PCNX4: variants seen among roughly 807,000 people sequenced by gnomAD.
PCNX4 encodes pecanex-like protein 4.
In PCNX4, 103 loss-of-function variants were observed where a neutral mutation model predicts 107.2. The observed-to-expected ratio is 0.96, with a 90% CI of 0.82 to 1.13. PCNX4 has a LOEUF of 1.13. PCNX4 is among the 50% of genes most tolerant of loss of function. PCNX4 has a pLI of 0.00. For missense variants in PCNX4, 1,528 were observed against 1,379.4 expected (o/e 1.11, Z -1.71); for synonymous variants, 541 against 481.7 (o/e 1.12, Z -1.61).
Position 60,118,473 on chromosome 14 carries a change from T to C in PCNX4, c.1723T>C (p.Phe575Leu). 1 of 1,613,762 alleles carries C rather than the reference T, an allele frequency of 6.2e-7. No individual in the cohort carries two copies. The highest frequency in any genetic ancestry group is 8.5e-7 in the Non-Finnish European group (1 of 1,179,818). ...LCILNIVFSPFVLVIIVFSTL... is the reference protein window; with the variant it reads ...LCILNIVFSPLVLVIIVFSTL... ...TATACTCAACATTGTCTTTTCTCCATTCGTGTTGGTCATCATAGTTTTTTC... is the reference window on the plus strand; with the variant it reads ...TATACTCAACATTGTCTTTTCTCCACTCGTGTTGGTCATCATAGTTTTTTC... Residue 575 changes from phenylalanine to leucine, a missense_variant, in exon 7 of 11, where the codon TTC becomes CTC. Transcript: ENST00000406854.
chr14:60,093,206 CT>C (rs1182456359), intron 1 of PCNX4, among the ~76,000 whole-genome samples: 2 of 152,176 alleles, frequency 1.3e-5, no homozygotes, highest in Non-Finnish European at 1.5e-5. Context: ...GAAGCTTTTT[CT>C]TTTTTAAGAG....
In PCNX4 at chr14:60,121,181, T is replaced by TTTTTTTTTTTTTTTTTTTTTC; in HGVS notation, c.1943-15_1943-14insTTTTTTTTTTTTTTTTTTTTC. 3 of 1,523,418 alleles carry TTTTTTTTTTTTTTTTTTTTTC rather than the reference T, an allele frequency of 2.0e-6. 1 individual carries two copies. The highest frequency in any genetic ancestry group is 1.8e-6 in the Non-Finnish European group (2 of 1,139,282). The allele number at this position is 1,523,418 out of a possible 1,614,324, so 94.4% of individuals were successfully genotyped here. A position where few individuals can be genotyped will look rare whatever the true frequency, so the allele number is the denominator to read the frequency against. ...ATTTTCTTTTTTTTTTTTTTTTTTTTCTAATTTGTTGTAGGTCTCCTCCTA... is the reference window on the plus strand; with the variant it reads ...ATTTTCTTTTTTTTTTTTTTTTTTTTTTTTTTTTTTTTTTTTTTTTCCTAATTTGTTGTAGGTCTCCTCCTA... On this transcript the variant is annotated splice_polypyrimidine_tract_variant and intron_variant, in intron 7 of 10. Transcript: ENST00000406854.
Position 60,115,756 on chromosome 14 carries a change from C to G in PCNX4, c.1395C>G (p.Asp465Glu). 2 of 1,613,372 alleles carry G rather than the reference C, an allele frequency of 1.2e-6. No homozygotes were observed. The highest frequency in any genetic ancestry group is 1.7e-6 in the Non-Finnish European group (2 of 1,179,500). Residue 465 changes from aspartate to glutamate, a missense_variant, in exon 5 of 11, where the codon GAC becomes GAG. Transcript: ENST00000406854. Reference sequence around the variant, plus strand: ...CCATGATAGCATTTCTTTCATTGGACAGTTCCTTACAAGGGCTCCACTCAG... The same window carrying G: ...CCATGATAGCATTTCTTTCATTGGAGAGTTCCTTACAAGGGCTCCACTCAG... ...PFAMIAFLSL[D>E]SSLQGLHSVS...
In PCNX4 at chr14:60,145,700, T is replaced by G. The variant is rs1363124549; in HGVS notation, c.*11479T>G. 6.6e-6 allele frequency: 1 copy of G among 151,724 alleles called. No homozygotes were observed. The highest frequency in any genetic ancestry group is 1.9e-4 in the East Asian group (1 of 5,196). The allele number at this position is 151,724 out of a possible 1,614,324, so 9.4% of individuals were successfully genotyped here. Reference sequence around the variant, plus strand: ...AAAAAAAATAAAAAGAAAAAAAAATTATTTGTGAACTTTTTGTATATTGCT... The same window carrying G: ...AAAAAAAATAAAAAGAAAAAAAAATGATTTGTGAACTTTTTGTATATTGCT... On this transcript the variant is annotated 3_prime_UTR_variant, in exon 11 of 11. Coordinates refer to ENST00000406854, the MANE Select transcript of PCNX4 (RefSeq NM_001330177.2). This position sits in a 1 kb window ranked among gnomAD's most constrained non-coding sequence, Gnocchi z 4.0.
chr14:60,109,824 G>A (rs1895700357), intron 2 of PCNX4: 1 of 167,214 alleles, frequency 6.0e-6, no homozygotes, highest in Non-Finnish European at 1.5e-5. Context: ...CAGAGGAAAG[G>A]CAGTCCTTGT....
Position 60,128,615 on chromosome 14 carries a change from T to C in PCNX4, c.3267+2792T>C, listed in dbSNP as rs73310177. Among the ~76,000 whole-genome samples, 1,515 of 152,284 alleles carry C rather than the reference T, an allele frequency of 9.9e-3. 21 individuals are homozygous for C. Among genetic ancestry groups the C allele is most frequent in the African/African-American group, 0.034 (1,431 of 41,562 alleles). ...TAGAGTTCTTCAGGCTGAAAGTAAG[T>C]GACCACAGACAATAATTCAAATTCA... On this transcript the variant is annotated intron_variant, in intron 10 of 10. Transcript: ENST00000406854.
At chr14:60,112,576 C>G (rs1895759370) in intron 2 of PCNX4, among the ~76,000 whole-genome samples, 2 of 152,046 alleles carry the variant, frequency 1.3e-5, no homozygotes, top group South Asian at 4.1e-4. Context: ...TTTGCCATTG[C>G]TTATTGTTAA....
intron 2 of PCNX4, among the ~76,000 whole-genome samples, chr14:60,114,446 A>T (rs144089013): frequency 5.5e-4 from 83 of 152,272 alleles, no homozygotes; most frequent in African/African-American, 1.9e-3. Context: ...TCCTTTGCAC[A>T]TTTGAATTAA....
In PCNX4 at chr14:60,141,618, A is replaced by G. The variant is rs1382088414; in HGVS notation, c.*7397A>G. The G allele has an allele frequency of 7.0e-6, 1 of 143,364 alleles. No homozygotes were observed. Among genetic ancestry groups the G allele is most frequent in the Admixed American group, 6.7e-5 (1 of 14,908 alleles). The allele number at this position is 143,364 out of a possible 1,614,324, so 8.9% of individuals were successfully genotyped here. Reference sequence around the variant, plus strand: ...ATAACCATTAAAGAATTAAATTCATAATTTAAAATCTCCTGATAAAAGAAA... The same window carrying G: ...ATAACCATTAAAGAATTAAATTCATGATTTAAAATCTCCTGATAAAAGAAA... On this transcript the variant is annotated 3_prime_UTR_variant, in exon 11 of 11. Transcript: ENST00000406854.
Position 60,118,388 on chromosome 14 carries a change from T to C in PCNX4, c.1638T>C (p.Thr546=). ...TCTCTAAATTGCAGTTTGCCGTGAC[T>C]GTGCTTTTGACATCATGGACAGAGA... ...QFISKLQFAV[T]VLLTSWTEKK... is the part of the protein sequence containing the mutation. Residue 546 remains threonine, a synonymous_variant, in exon 7 of 11, where the codon ACT becomes ACC. Transcript: ENST00000406854. 6.2e-7 allele frequency: 1 copy of C among 1,613,516 alleles called. No homozygotes were observed. Among genetic ancestry groups the C allele is most frequent in the Non-Finnish European group, 8.5e-7 (1 of 1,179,664 alleles).
At position 60,146,562 on chromosome 14, in the gene PCNX4, C is replaced by T. The variant is rs1896411414; in HGVS notation, c.*12341C>T. ...AAATCTAAAGGAAGTGAAATCAGTACCTTGAAGTGATACCTACACTCCCAT... is the reference window on the plus strand; with the variant it reads ...AAATCTAAAGGAAGTGAAATCAGTATCTTGAAGTGATACCTACACTCCCAT... On this transcript the variant is annotated 3_prime_UTR_variant, in exon 11 of 11. Transcript: ENST00000406854. This position sits in a 1 kb window ranked among gnomAD's most constrained non-coding sequence, Gnocchi z 4.9. The T allele has an allele frequency of 6.6e-6, 1 of 152,042 alleles. No individual in the cohort carries two copies. Among genetic ancestry groups the T allele is most frequent in the South Asian group, 2.1e-4 (1 of 4,830 alleles). 9.4% of individuals were successfully genotyped at this position (152,042 alleles called of 1,614,324 possible).
chr14:60,107,995 C>T lies in PCNX4; in HGVS notation c.357C>T (p.Thr119=). The change falls in exon 2 of 11, where the codon ACC becomes ACT. Residue 119 remains threonine, a synonymous_variant. Transcript: ENST00000406854. ...ILAEEDEHEF[T]SCTGAETVKF... is the part of the protein sequence containing the mutation. ...CAGAGGAGGATGAGCATGAATTTAC[C>T]AGTTGTACTGGTGCTGAGACTGTCA... The T allele has an allele frequency of 2.5e-6, 4 of 1,612,788 alleles. No homozygotes were observed. The highest frequency in any genetic ancestry group is 2.2e-5 in the East Asian group (1 of 44,876).
rs1895618309 is a variant in PCNX4, at chr14:60,105,853, C to T, written c.-53-1733C>T. ...GTAGAGCCAGAAGGGCCAACTTTTA[C>T]CTAACTCCTTGGGGAAATTTCAGGC... On this transcript the variant is annotated intron_variant, in intron 1 of 10. Coordinates refer to ENST00000406854, the MANE Select transcript of PCNX4 (RefSeq NM_001330177.2). Among the ~76,000 whole-genome samples, 3 of 152,310 alleles carry T rather than the reference C, an allele frequency of 2.0e-5. 1 individual carries two copies. In the South Asian group the frequency reaches 6.2e-4, roughly 32 times the overall value.
At position 60,115,940 on chromosome 14, in the gene PCNX4, G is replaced by A. The variant is rs774464523; in HGVS notation, c.1459-1G>A. On this transcript the variant is annotated splice_acceptor_variant, in intron 5 of 10. Coordinates refer to ENST00000406854, the MANE Select transcript of PCNX4 (RefSeq NM_001330177.2). LOFTEE classifies it high-confidence loss of function. The stretch of plus-strand genomic sequence containing the variant: ...AAAAATGGATAATTTGTATACTGCA[G>A]GTATGGCAGAATACAGAAAATGCTT... The A allele has an allele frequency of 1.9e-6, 3 of 1,608,150 alleles. No individual in the cohort carries two copies. The highest frequency in any genetic ancestry group is 1.3e-5 in the African/African-American group (1 of 74,800).
chr14:60,135,786 A>C lies in PCNX4; in HGVS notation c.*1565A>C, dbSNP rs1289651376. ...AGGCTGGTCTCGAACTCTTGACCTCATGCTCCGCCCGCCTCAGCCTCCCAA... is the reference window on the plus strand; with the variant it reads ...AGGCTGGTCTCGAACTCTTGACCTCCTGCTCCGCCCGCCTCAGCCTCCCAA... On this transcript the variant is annotated 3_prime_UTR_variant, in exon 11 of 11. Coordinates refer to ENST00000406854, the MANE Select transcript of PCNX4 (RefSeq NM_001330177.2). The C allele has an allele frequency of 7.9e-5, 12 of 152,108 alleles. No individual in the cohort carries two copies. The highest frequency in any genetic ancestry group is 7.9e-4 in the Admixed American group (12 of 15,276). 9.4% of individuals were successfully genotyped at this position (152,108 alleles called of 1,614,324 possible).
chr14:60,099,488 G>C (rs1226093581), intron 1 of PCNX4, among the ~76,000 whole-genome samples: 5 of 152,086 alleles, frequency 3.3e-5, no homozygotes, highest in African/African-American at 1.2e-4. Flanking sequence ...AATGAAAATT[G>C]AAAGAATTCC....
At chr14:60,125,544 C>A in intron 9 of PCNX4, 93 bp from the exon 10 acceptor site, 1 of 929,404 alleles carries the variant, frequency 1.1e-6, no homozygotes, top group Non-Finnish European at 1.5e-6. Flanking sequence ...GATTTCAGTT[C>A]AATGTCTTAA....
rs1464427385 is a variant in PCNX4 at position 60,137,321 on chromosome 14, A to G, written c.*3100A>G. 1 of 152,218 alleles carries G rather than the reference A, an allele frequency of 6.6e-6. No homozygotes were observed. The highest frequency in any genetic ancestry group is 6.5e-5 in the Admixed American group (1 of 15,282). 9.4% of individuals were successfully genotyped at this position (152,218 alleles called of 1,614,324 possible). On this transcript the variant is annotated 3_prime_UTR_variant, in exon 11 of 11. Transcript: ENST00000406854. Reference sequence around the variant, plus strand: ...GGAGACCAAGACTCTCCAAGGAAGTAGGGGAGGGGAAAGGAATCCTAGTTA... The same window carrying G: ...GGAGACCAAGACTCTCCAAGGAAGTGGGGGAGGGGAAAGGAATCCTAGTTA...
rs1389648773 is a variant in PCNX4, at chr14:60,124,908, C to G, written c.2737C>G (p.Pro913Ala). ...TTCACATTCTCACTTAGTATGCTTA[C>G]CCGCAGAGTGGAGGACTAGCTGTAT... ...SCSHSHLVCLPAEWRTSCMPS... is the reference protein window; with the variant it reads ...SCSHSHLVCLAAEWRTSCMPS... The change falls in exon 9 of 11, where the codon CCC (proline) becomes GCC (alanine). Residue 913 changes from proline (P) to alanine (A), a missense_variant. Physicochemically the swap from Pro to Ala is conservative, Grantham distance 27. Transcript: ENST00000406854. The G allele has an allele frequency of 6.2e-7, 1 of 1,613,776 alleles. No individual in the cohort carries two copies. Among genetic ancestry groups the G allele is most frequent in the South Asian group, 1.1e-5 (1 of 91,080 alleles).
Sources: gnomAD v4.1 joint callset for allele counts (sites outside exome capture counted in the v4.1 genomes callset) on GRCh38, gnomAD v4.1.1 for gene constraint, Gnocchi (gnomAD v3.1) non-coding constraint, MANE v1.5 for transcripts, NCBI Gene and HGNC (gene_info 2026-07-23, HGNC 2026-07-21) for gene names.